Variants in CASQ2 observed in about 807,000 individuals in gnomAD.
CASQ2 encodes the protein calsequestrin 2.
In CASQ2, 49 loss-of-function variants were observed where a neutral mutation model predicts 46.5. The observed-to-expected ratio is 1.05, with a 90% CI of 0.84 to 1.34. CASQ2 has a LOEUF of 1.34. Ranked by LOEUF, CASQ2 falls within the 40% of genes most tolerant of loss-of-function variation. CASQ2 has a pLI of 0.00. For synonymous variants in CASQ2, 174 were observed against 168.5 expected (o/e 1.03, Z -0.25); for missense variants, 486 against 481.3 (o/e 1.01, Z -0.09).
At chr1:115,755,482 G>C (rs559889002) in intron 1 of CASQ2, among the ~76,000 whole-genome samples, 2 of 152,198 alleles carry the variant, frequency 1.3e-5, no homozygotes, top group Non-Finnish European at 2.9e-5. Context: ...TTCCTCTCAT[G>C]GAGAGGCCTC....
chr1:115,732,276 C>G (rs1343745159), intron 5 of CASQ2: 2 of 152,710 alleles, frequency 1.3e-5, no homozygotes, highest in Non-Finnish European at 2.9e-5. Context: ...TCCCTCCCAA[C>G]TGTAATACAA....
intron 7 of CASQ2, among the ~76,000 whole-genome samples, chr1:115,722,813 C>G (rs1030840823): frequency 1.3e-5 from 2 of 151,948 alleles, no homozygotes; most frequent in African/African-American, 2.4e-5. Flanking sequence ...TTTGGGAGGC[C>G]GAGGAGGGAG....
At chr1:115,743,248 T>C (rs931668162) in intron 2 of CASQ2, among the ~76,000 whole-genome samples, 16 of 150,104 alleles carry the variant, frequency 1.1e-4, no homozygotes, top group African/African-American at 2.7e-4. Flanking sequence ...TTCATTCATT[T>C]ATTTTGAGAC....
At chr1:115,711,163 G>A (rs1309164459) in intron 8 of CASQ2, among the ~76,000 whole-genome samples, 1 of 152,182 alleles carries the variant, frequency 6.6e-6, no homozygotes, top group Non-Finnish European at 1.5e-5. Context: ...GGCACGGAAA[G>A]GGACCCTTCC....
intron 8 of CASQ2, among the ~76,000 whole-genome samples, chr1:115,716,913 T>C (rs1424766925): frequency 1.3e-5 from 2 of 152,204 alleles, no homozygotes; most frequent in Admixed American, 1.3e-4. Flanking sequence ...CCAAATCTCC[T>C]GTTGAAATGT....
At chr1:115,726,333 AC>A (rs1187503688) in intron 6 of CASQ2, among the ~76,000 whole-genome samples, 1 of 152,104 alleles carries the variant, frequency 6.6e-6, no homozygotes, top group Non-Finnish European at 1.5e-5. Flanking sequence ...TCCTAAATAA[AC>A]TTTTACTGGT....
intron 1 of CASQ2, among the ~76,000 whole-genome samples, chr1:115,761,449 AAGAAGAAGAAGAAGG>A (rs1648940668): frequency 3.9e-4 from 5 of 12,890 alleles, no homozygotes; most frequent in Non-Finnish European, 6.3e-4. Flanking sequence ...AAAGAAGAAG[AAGAAGAAGAAGAAGG>A]AGAAGAAGAA....
intron 1 of CASQ2, among the ~76,000 whole-genome samples, chr1:115,754,753 T>C (rs1299402164): frequency 6.6e-6 from 1 of 152,220 alleles, no homozygotes; most frequent in Non-Finnish European, 1.5e-5. Flanking sequence ...TGTGAGACTC[T>C]GGGCAAGTCA....
intron 5 of CASQ2, among the ~76,000 whole-genome samples, chr1:115,730,589 A>G (rs1647751303): frequency 6.6e-6 from 1 of 152,138 alleles, no homozygotes; most frequent in South Asian, 2.1e-4. Flanking sequence ...TCATAACCCC[A>G]TCTCTTGTTC....
At chr1:115,730,607 G>T (rs1647751790) in intron 5 of CASQ2, among the ~76,000 whole-genome samples, 1 of 152,114 alleles carries the variant, frequency 6.6e-6, no homozygotes, top group South Asian at 2.1e-4. Flanking sequence ...TTCCTCAATA[G>T]ATTCTTCTTC....
chr1:115,733,208 A>T (rs1647846778), intron 4 of CASQ2, among the ~76,000 whole-genome samples: 2 of 152,170 alleles, frequency 1.3e-5, no homozygotes. Context: ...CCACACTTTT[A>T]TGAACTGCAG....
Position 115,768,493 on chromosome 1 carries a change from A to C in CASQ2, c.49T>G (p.Cys17Gly). 2 of 1,613,838 alleles carry C rather than the reference A, an allele frequency of 1.2e-6. No individual in the cohort carries two copies. Reference sequence around the variant, plus strand: ...AAATTAAGCCCCTCTTCTGCCCTGCAAGAGGACAGAAAATAAATCCCCACA... The same window carrying C: ...AAATTAAGCCCCTCTTCTGCCCTGCCAGAGGACAGAAAATAAATCCCCACA... Reference protein sequence around the residue: ...FIVGIYFLSSCRAEEGLNFPT... With the variant: ...FIVGIYFLSSGRAEEGLNFPT... Residue 17 changes from cysteine to glycine, a missense_variant, in exon 1 of 11, where the codon TGC becomes GGC. Coordinates refer to ENST00000261448, the MANE Select transcript of CASQ2 (RefSeq NM_001232.4).
intron 8 of CASQ2, among the ~76,000 whole-genome samples, chr1:115,708,934 T>C (rs1654447090): frequency 6.6e-6 from 1 of 152,216 alleles, no homozygotes; most frequent in African/African-American, 2.4e-5. Flanking sequence ...CAGGGATGGC[T>C]GTGCCAGCTG....
At chr1:115,766,671 CT>C (rs1368595307) in intron 1 of CASQ2, among the ~76,000 whole-genome samples, 2 of 152,146 alleles carry the variant, frequency 1.3e-5, no homozygotes, top group Non-Finnish European at 2.9e-5. Flanking sequence ...CTCACTCCAG[CT>C]TTAGCAGCCT....
At chr1:115,734,319 C>T (rs1182536375) in intron 4 of CASQ2, among the ~76,000 whole-genome samples, 1 of 152,292 alleles carries the variant, frequency 6.6e-6, no homozygotes, top group African/African-American at 2.4e-5. Flanking sequence ...CCTCTATCCC[C>T]CTCTTTTCCA....
chr1:115,721,375 C>T (rs1647369652), intron 7 of CASQ2, among the ~76,000 whole-genome samples: 1 of 152,064 alleles, frequency 6.6e-6, no homozygotes, highest in African/African-American at 2.4e-5. Context: ...GTACACACAG[C>T]AAATATTACC....
chr1:115,725,557 GAAAAAAA>G lies in CASQ2; in HGVS notation c.738-11_738-5del, dbSNP rs56889721. The G allele has an allele frequency of 1.2e-3, 1,745 of 1,401,858 alleles. 8 individuals carry two copies. In the African/African-American group the frequency reaches 0.015, roughly 12 times the overall value. 86.8% of individuals were successfully genotyped at this position (1,401,858 alleles called of 1,614,324 possible). A position where few individuals can be genotyped will look rare whatever the true frequency, so the allele number is the denominator to read the frequency against. On this transcript the variant is annotated splice_region_variant and splice_polypyrimidine_tract_variant and intron_variant, in intron 6 of 10. Coordinates refer to ENST00000261448, the MANE Select transcript of CASQ2 (RefSeq NM_001232.4). Reference sequence around the variant, plus strand: ...GCGCAGGCGACGTAGAGTGGGTCTGGAAAAAAAAAAAAAAAAAAAAAAAGAAAGAGCT... The same window carrying G: ...GCGCAGGCGACGTAGAGTGGGTCTGGAAAAAAAAAAAAAAAAGAAAGAGCT...
chr1:115,738,738 T>C (rs997127971), intron 3 of CASQ2, among the ~76,000 whole-genome samples: 1 of 152,246 alleles, frequency 6.6e-6, no homozygotes, highest in South Asian at 2.1e-4. Context: ...CATTTGAAAT[T>C]TACTCTTTTA....
At chr1:115,742,007 A>G (rs886504479) in intron 2 of CASQ2, among the ~76,000 whole-genome samples, 1 of 152,114 alleles carries the variant, frequency 6.6e-6, no homozygotes, top group East Asian at 1.9e-4. Flanking sequence ...TGGTAGAGGC[A>G]CCATTTGTAA....
Sources: gnomAD v4.1 joint callset for allele counts (sites outside exome capture counted in the v4.1 genomes callset) on GRCh38, gnomAD v4.1.1 for gene constraint, MANE v1.5 for transcripts, NCBI Gene and HGNC (gene_info 2026-07-23, HGNC 2026-07-21) for gene names.